The following EP300 variants were observed in gnomAD, a reference collection of about 807,000 sequenced individuals.
The protein encoded by EP300 is histone acetyltransferase p300.
A neutral mutation model predicts 264.0 loss-of-function variants in EP300; 31 were observed. That is an observed-to-expected ratio of 0.12 (90% CI 0.09 to 0.16). The LOEUF (loss-of-function observed/expected upper bound fraction) is 0.16, where lower values mean the gene tolerates loss of function less well. Ranked by LOEUF, EP300 falls within the 10% of genes least tolerant of loss-of-function variation. The pLI is 1.00. For synonymous variants in EP300, 1,340 were observed against 1,045.4 expected (o/e 1.28, Z -5.44); for missense variants, 2,766 against 3,052.9 (o/e 0.91, Z 2.21).
intron 1 of EP300, among the ~76,000 whole-genome samples, chr22:41,111,729 G>A (rs562213091): frequency 1.6e-4 from 25 of 151,710 alleles, no homozygotes; most frequent in Admixed American, 9.2e-4. Flanking sequence ...TGGTAGAGAC[G>A]GGGTTTCTCC....
In EP300 at chr22:41,149,944, C is replaced by T. The variant is rs1012101301; in HGVS notation, c.2563C>T (p.Pro855Ser). Reference sequence around the variant, plus strand: ...CCCAAGCATAGGGGCTCAGCAGCCACCAGCAACAACAATTCCAGCCCCTGT... The same window carrying T: ...CCCAAGCATAGGGGCTCAGCAGCCATCAGCAACAACAATTCCAGCCCCTGT... ...TPPSIGAQQP[P>S]ATTIPAPVPT... is the part of the protein sequence containing the mutation. The change falls in exon 14 of 31, where the codon CCA becomes TCA. Residue 855 changes from proline (P) to serine (S), a missense_variant. Coordinates refer to ENST00000263253, the MANE Select transcript of EP300 (RefSeq NM_001429.4). 6 of 1,613,818 alleles carry T rather than the reference C, an allele frequency of 3.7e-6. No individual in the cohort carries two copies. The highest frequency in any genetic ancestry group is 5.1e-6 in the Non-Finnish European group (6 of 1,179,900).
chr22:41,173,913 AC>A, intron 29 of EP300, 129 bp downstream of exon 29: 1 of 1,029,688 alleles, frequency 9.7e-7, no homozygotes, highest in Non-Finnish European at 1.5e-6. Context: ...GGAGTTCAAG[AC>A]CAGCCTGACC....
intron 10 of EP300, among the ~76,000 whole-genome samples, chr22:41,142,716 T>G (rs1351153749): frequency 6.6e-6 from 1 of 152,058 alleles, no homozygotes; most frequent in Non-Finnish European, 1.5e-5. Context: ...AAACCCCATC[T>G]CTACTAAAAA....
At position 41,117,511 on chromosome 22, in the gene EP300, C is replaced by G; in HGVS notation, c.419C>G (p.Thr140Ser). 1 of 1,613,894 alleles carries G rather than the reference C, an allele frequency of 6.2e-7. No individual in the cohort carries two copies. The highest frequency in any genetic ancestry group is 8.5e-7 in the Non-Finnish European group (1 of 1,179,798). ...GLTSPNMGMG[T>S]SGPNQGPTQS... ...ACTTCTCCCAACATGGGGATGGGCACTAGTGGACCAAATCAGGGTCCTACG... is the reference window on the plus strand; with the variant it reads ...ACTTCTCCCAACATGGGGATGGGCAGTAGTGGACCAAATCAGGGTCCTACG... Residue 140 changes from threonine to serine, a missense_variant, in exon 2 of 31, where the codon ACT (threonine) becomes AGT (serine). Transcript: ENST00000263253.
intron 1 of EP300, among the ~76,000 whole-genome samples, chr22:41,093,494 T>TA (rs2058685604): frequency 6.6e-6 from 1 of 152,196 alleles, no homozygotes; most frequent in Admixed American, 6.5e-5. Context: ...TTACTGTACT[T>TA]ACTGTGTTTC....
At chr22:41,144,180 T>G (rs948699599) in intron 10 of EP300, among the ~76,000 whole-genome samples, 2 of 152,184 alleles carry the variant, frequency 1.3e-5, no homozygotes, top group African/African-American at 4.8e-5. Flanking sequence ...AAGTAAATAC[T>G]AATCTCTGAA....
rs956529131 is a variant in EP300 at position 41,176,709 on chromosome 22, C to A, written c.5062-64C>A. ...GGGGCTTTTCTAGCCCAAACAATAT[C>A]TAAAATACTTTTGAATGACTTAAAT... On this transcript the variant is annotated intron_variant, in intron 30 of 30. Transcript: ENST00000263253. 3 of 1,613,300 alleles carry A rather than the reference C, an allele frequency of 1.9e-6. No homozygotes were observed. The Admixed American group carries it at 5.0e-5, about 27-fold the overall frequency.
intron 1 of EP300, among the ~76,000 whole-genome samples, chr22:41,111,991 C>T (rs1432842829): frequency 6.9e-6 from 1 of 145,764 alleles, no homozygotes; most frequent in African/African-American, 2.5e-5. Flanking sequence ...GGGTTCACGC[C>T]ATCCTCCTGC....
At chr22:41,101,358 A>G (rs2058730817) in intron 1 of EP300, among the ~76,000 whole-genome samples, 1 of 151,792 alleles carries the variant, frequency 6.6e-6, no homozygotes, top group African/African-American at 2.4e-5. Flanking sequence ...GGCGAGAGCC[A>G]CAGTGCCTGG....
rs1306502708 is a variant in EP300, at chr22:41,178,863, C to T, written c.7152C>T (p.Asn2384=). 1.2e-6 allele frequency: 2 copies of T among 1,614,180 alleles called. No homozygotes were observed. Among genetic ancestry groups the T allele is most frequent in the Non-Finnish European group, 1.7e-6 (2 of 1,180,038 alleles). The change falls in exon 31 of 31, where the codon AAC becomes AAT. Residue 2384 remains asparagine (N), a synonymous_variant. Coordinates refer to ENST00000263253, the MANE Select transcript of EP300 (RefSeq NM_001429.4). The stretch of plus-strand genomic sequence containing the variant: ...TTGCTAGCAATCCAGGCATGGCAAA[C>T]CTCCATGGTGCAAGCGCCACGGACC... ...SQLASNPGMA[N]LHGASATDLG...
chr22:41,166,593 A>G lies in EP300; in HGVS notation c.3807-6A>G, dbSNP rs931727077. The stretch of plus-strand genomic sequence containing the variant: ...TTGTGTAAGCAAAGTTTTGGTTTAC[A>G]TTTAGATTCGTCTGTGATGGCTGTT... On this transcript the variant is annotated splice_polypyrimidine_tract_variant and splice_region_variant and intron_variant, in intron 22 of 30. Coordinates refer to ENST00000263253, the MANE Select transcript of EP300 (RefSeq NM_001429.4). 6.2e-7 allele frequency: 1 copy of G among 1,612,640 alleles called. No individual in the cohort carries two copies. Among genetic ancestry groups the G allele is most frequent in the Non-Finnish European group, 8.5e-7 (1 of 1,178,998 alleles).
At chr22:41,147,303 C>CAAAAA (rs11306415) in intron 11 of EP300, among the ~76,000 whole-genome samples, 21 of 123,144 alleles carry the variant, frequency 1.7e-4, no homozygotes, top group African/African-American at 7.1e-4. Flanking sequence ...GACTTCGTCT[C>CAAAAA]AAAAAAAAAA....
rs149858781 is a variant in EP300 at position 41,146,795 on chromosome 22, C to T, written c.2110C>T (p.Pro704Ser). 3.3e-5 allele frequency: 54 copies of T among 1,613,898 alleles called. No homozygotes were observed. The African/African-American group carries it at 5.6e-4, about 17-fold the overall frequency. Residue 704 changes from proline to serine, a missense_variant, in exon 11 of 31, where the codon CCT (proline) becomes TCT (serine). Physicochemically the swap from Pro to Ser is moderately conservative, Grantham distance 74. Coordinates refer to ENST00000263253, the MANE Select transcript of EP300 (RefSeq NM_001429.4). Reference sequence around the variant, plus strand: ...TGGCAGTGTGCCAAACCAGATGATGCCTCGAATAACTCCACAATCTGGTAA... The same window carrying T: ...TGGCAGTGTGCCAAACCAGATGATGTCTCGAATAACTCCACAATCTGGTAA... ...IRGSVPNQMM[P>S]RITPQSGLNQ...
At chr22:41,147,163 G>A (rs1046364584) in intron 11 of EP300, among the ~76,000 whole-genome samples, 20 of 152,074 alleles carry the variant, frequency 1.3e-4, no homozygotes, top group Admixed American at 5.9e-4. Context: ...AAAATTAGCC[G>A]GTTGTAGTGG....
intron 1 of EP300, among the ~76,000 whole-genome samples, chr22:41,100,041 AC>A (rs756983911): frequency 6.6e-6 from 1 of 151,772 alleles, no homozygotes; most frequent in Non-Finnish European, 1.5e-5. Context: ...ATGTAGTGGG[AC>A]CCCCCATCCC....
chr22:41,124,419 T>C (rs889686863), intron 2 of EP300, among the ~76,000 whole-genome samples: 1 of 149,578 alleles, frequency 6.7e-6, no homozygotes, highest in Non-Finnish European at 1.5e-5. Flanking sequence ...TAAAAAACAC[T>C]GTCATCAGTG....
rs35403189 is a variant in EP300 at position 41,137,356 on chromosome 22, CAAAAAAAAAAAA to C, written c.1623-288_1623-277del. Among the ~76,000 whole-genome samples the C allele has an allele frequency of 2.0e-4, 19 of 92,898 alleles. 3 individuals are homozygous for C. The South Asian group carries it at 5.0e-3, about 24-fold the overall frequency. The allele number at this position is 92,898 out of a possible 152,430, so 60.9% of individuals were successfully genotyped here. ...TGGGCAACAGAGCAAGACTTTGTCT[CAAAAAAAAAAAA>C]AAAAAAAAGGCATTACAGACAAAAC... On this transcript the variant is annotated intron_variant, in intron 7 of 30. Transcript: ENST00000263253.
Position 41,117,632 on chromosome 22 carries a change from A to G in EP300, c.540A>G (p.Ala180=), listed in dbSNP as rs2058828995. The G allele has an allele frequency of 6.2e-7, 1 of 1,614,226 alleles. No homozygotes were observed. ...GCATGAATCCTGGAATGTTGGCTGC[A>G]GGCAATGGACAAGGGATAATGCCTA... ...NAGMNPGMLA[A]GNGQGIMPNQ... The change falls in exon 2 of 31, where the codon GCA becomes GCG. Residue 180 remains alanine (A), a synonymous_variant. Coordinates refer to ENST00000263253, the MANE Select transcript of EP300 (RefSeq NM_001429.4).
chr22:41,161,981 T>G (rs1021169714), intron 20 of EP300, among the ~76,000 whole-genome samples: 9 of 152,224 alleles, frequency 5.9e-5, no homozygotes, highest in African/African-American at 2.2e-4. Flanking sequence ...GACGTAAGCC[T>G]TGTCATTGAA....
Sources: gnomAD v4.1 joint callset for allele counts (sites outside exome capture counted in the v4.1 genomes callset) on GRCh38, gnomAD v4.1.1 for gene constraint, MANE v1.5 for transcripts, NCBI Gene and HGNC (gene_info 2026-07-23, HGNC 2026-07-21) for gene names.